PCDHA8: variants seen among roughly 807,000 people sequenced by gnomAD.
The protein encoded by PCDHA8 is protocadherin alpha 8.
Under a neutral mutation model 61.8 loss-of-function variants are expected in PCDHA8, and 53 were observed. That is an observed-to-expected ratio of 0.86 (90% CI 0.69 to 1.08). The LOEUF (loss-of-function observed/expected upper bound fraction) is 1.08, where lower values mean the gene tolerates loss of function less well. Ranked by LOEUF, PCDHA8 falls within the 50% of genes least tolerant of loss-of-function variation. The pLI, the probability that PCDHA8 is intolerant of heterozygous loss-of-function variation, is 0.00. For missense variants in PCDHA8, 1,293 were observed against 1,245.0 expected (o/e 1.04, Z -0.58); for synonymous variants, 618 against 556.6 (o/e 1.11, Z -1.55).
At chr5:140,966,490 T>G (rs533525977) in intron 1 of PCDHA8, 2 of 437,964 alleles carry the variant, frequency 4.6e-6, no homozygotes, top group Non-Finnish European at 7.9e-6. Flanking sequence ...TCCCTCCCCC[T>G]GGAGCTGTAG....
intron 1 of PCDHA8, chr5:140,876,150 C>A (rs782752906): frequency 5.0e-6 from 8 of 1,613,798 alleles, no homozygotes; most frequent in Non-Finnish European, 2.5e-6. Context: ...CAGGGTCTGT[C>A]CAGATTCAAA....
intron 1 of PCDHA8, chr5:140,883,418 C>T: frequency 6.2e-7 from 1 of 1,614,172 alleles, no homozygotes; most frequent in Non-Finnish European, 8.5e-7. Flanking sequence ...CTCAAATGGA[C>T]AGGTCACCTG....
chr5:140,847,369 A>G (rs1780982240), intron 1 of PCDHA8: 1 of 149,774 alleles, frequency 6.7e-6, no homozygotes. Context: ...ATACGAAATA[A>G]AAGATAAATA....
chr5:140,970,751 T>G (rs2096430046), intron 1 of PCDHA8, among the ~76,000 whole-genome samples: 1 of 152,232 alleles, frequency 6.6e-6, no homozygotes, highest in African/African-American at 2.4e-5. Flanking sequence ...GCAATATATT[T>G]TCATTGACAT....
intron 1 of PCDHA8, chr5:140,876,811 G>A (rs2153346110): frequency 9.3e-6 from 15 of 1,614,218 alleles, no homozygotes; most frequent in Non-Finnish European, 1.3e-5. Context: ...GGAGGTGGCC[G>A]ACGTGAACGA....
intron 1 of PCDHA8, among the ~76,000 whole-genome samples, chr5:140,893,013 CCTGACTTATTTCA>C (rs2063781212): frequency 6.6e-6 from 1 of 152,170 alleles, no homozygotes; most frequent in African/African-American, 2.4e-5. Context: ...TTTTTCTGTG[CCTGACTTATTTCA>C]CTTAACATAT....
chr5:140,850,512 G>A lies in PCDHA8; in HGVS notation c.2394+6797G>A, dbSNP rs17844334. 2.6e-5 allele frequency: 41 copies of A among 1,598,146 alleles called. 4 individuals carry two copies. The highest frequency in any genetic ancestry group is 5.1e-5 in the Admixed American group (3 of 59,282). On this transcript the variant is annotated intron_variant, in intron 1 of 3. Coordinates refer to ENST00000531613, the MANE Select transcript of PCDHA8 (RefSeq NM_018911.3). Reference sequence around the variant, plus strand: ...TGTGCTGGTGTCGCTGGTGGAGAGCGGCCAGGCGCCAAAGTCATCGTCGCG... The same window carrying A: ...TGTGCTGGTGTCGCTGGTGGAGAGCAGCCAGGCGCCAAAGTCATCGTCGCG...
chr5:140,847,157 T>G (rs1780881286), intron 1 of PCDHA8, among the ~76,000 whole-genome samples: 1 of 149,630 alleles, frequency 6.7e-6, no homozygotes. Context: ...TCTTGATTTC[T>G]GAGTAATAAA....
intron 1 of PCDHA8, chr5:140,966,193 G>C (rs1554228123): frequency 4.8e-6 from 1 of 207,392 alleles, no homozygotes; most frequent in Non-Finnish European, 9.5e-6. Flanking sequence ...CAGACTTCTA[G>C]GGGCTTGACT....
chr5:140,929,697 T>G (rs2086305900), intron 1 of PCDHA8: 1 of 266,272 alleles, frequency 3.8e-6, no homozygotes, highest in African/African-American at 2.2e-5. Flanking sequence ...CTGCTTTATA[T>G]GAATATAATA....
At chr5:140,996,190 C>T (rs2097716017) in intron 3 of PCDHA8, among the ~76,000 whole-genome samples, 1 of 152,200 alleles carries the variant, frequency 6.6e-6, no homozygotes, top group African/African-American at 2.4e-5. Flanking sequence ...CCATTTTATA[C>T]CCTCAATGCA....
intron 1 of PCDHA8, among the ~76,000 whole-genome samples, chr5:140,951,337 G>C (rs1346350844): frequency 6.6e-6 from 1 of 151,970 alleles, no homozygotes; most frequent in Non-Finnish European, 1.5e-5. Context: ...CATTCTGTTT[G>C]TGTTAGTCCA....
intron 3 of PCDHA8, among the ~76,000 whole-genome samples, chr5:140,998,253 T>C (rs1245576621): frequency 6.6e-6 from 1 of 152,232 alleles, no homozygotes; most frequent in Non-Finnish European, 1.5e-5. Context: ...CTCATTTTAC[T>C]GCTAAGAAAA....
chr5:140,870,975 G>A, intron 1 of PCDHA8: 1 of 1,613,610 alleles, frequency 6.2e-7, no homozygotes, highest in Non-Finnish European at 8.5e-7. Context: ...TCCGCGTGGG[G>A]CTGTACACGG....
intron 3 of PCDHA8, among the ~76,000 whole-genome samples, chr5:141,008,171 G>A (rs1441350888): frequency 6.6e-6 from 1 of 152,148 alleles, no homozygotes; most frequent in African/African-American, 2.4e-5. Flanking sequence ...GGACTAAAAT[G>A]TGACCATTGA....
chr5:140,855,355 C>T (rs1489669614), intron 1 of PCDHA8, among the ~76,000 whole-genome samples: 3 of 149,796 alleles, frequency 2.0e-5, no homozygotes, highest in African/African-American at 7.3e-5. Context: ...AGTCATGTGG[C>T]TAGTGAGTAG....
intron 1 of PCDHA8, among the ~76,000 whole-genome samples, chr5:140,846,616 C>T (rs2150392938): frequency 5.4e-5 from 8 of 149,000 alleles, no homozygotes; most frequent in East Asian, 3.9e-4. Flanking sequence ...CCTCCTGATC[C>T]GCCCACTTCG....
intron 1 of PCDHA8, chr5:140,869,124 G>C: frequency 6.2e-7 from 1 of 1,608,632 alleles, no homozygotes; most frequent in East Asian, 2.2e-5. Flanking sequence ...TTCAGAGAAG[G>C]GGATTGGGCA....
At chr5:140,916,463 G>A (rs934007072) in intron 1 of PCDHA8, among the ~76,000 whole-genome samples, 2 of 152,212 alleles carry the variant, frequency 1.3e-5, no homozygotes, top group African/African-American at 2.4e-5. Flanking sequence ...TATCACTGCT[G>A]GTTATTTGGT....
Sources: allele counts gnomAD v4.1 joint callset (sites outside exome capture counted in the v4.1 genomes callset), GRCh38; gene constraint gnomAD v4.1.1; transcripts MANE v1.5; gene names NCBI Gene and HGNC (gene_info 2026-07-23, HGNC 2026-07-21).